The following CD1C variants were observed in gnomAD, a reference collection of about 807,000 sequenced individuals.
CD1C encodes T-cell surface glycoprotein CD1c.
In CD1C, 47 loss-of-function variants were observed where a neutral mutation model predicts 39.4. That is an observed-to-expected ratio of 1.19 (90% CI 0.94 to 1.52). CD1C has a LOEUF of 1.52. CD1C is among the 40% of genes most tolerant of loss of function. CD1C has a pLI of 0.00. For missense variants in CD1C, 417 were observed against 395.2 expected, an observed-to-expected ratio of 1.06 and a Z score of -0.47; for synonymous variants, 165 against 150.8, an observed-to-expected ratio of 1.09 and a Z score of -0.69.
intron 2 of CD1C, 51 bp downstream of exon 2, chr1:158,291,451 G>T: frequency 6.3e-7 from 1 of 1,577,360 alleles, no homozygotes; most frequent in African/African-American, 1.4e-5. Context: ...TTCTATTTCA[G>T]GGAAATATTC....
chr1:158,289,974 G>C lies in CD1C; in HGVS notation c.-91G>C. 1 of 1,151,718 alleles carries C rather than the reference G, an allele frequency of 8.7e-7. No individual in the cohort carries two copies. The highest frequency in any genetic ancestry group is 1.3e-6 in the Non-Finnish European group (1 of 777,584). 71.3% of individuals were successfully genotyped at this position (1,151,718 alleles called of 1,614,324 possible). A position where few individuals can be genotyped will look rare whatever the true frequency, so the allele number is the denominator to read the frequency against. On this transcript the variant is annotated 5_prime_UTR_variant, in exon 1 of 6. Transcript: ENST00000368170. ...TGATGGGGAAGATTGTTGGTAGAAG[G>C]AAGTCAGAATATAGGTACAGAGGGA...
In CD1C at chr1:158,293,071, G is replaced by A; in HGVS notation, c.890-141G>A. ...GGGGAAATGAGGAATCCTTCCTTGA[G>A]TAAGTTTTGGAATAGAGTGACTGAA... On this transcript the variant is annotated intron_variant, in intron 4 of 5. Transcript: ENST00000368170. 4.5e-6 allele frequency: 4 copies of A among 897,700 alleles called. No homozygotes were observed. In the South Asian group the frequency reaches 4.8e-5, roughly 11 times the overall value. 55.6% of individuals were successfully genotyped at this position (897,700 alleles called of 1,614,324 possible).
At chr1:158,290,171 A>C (rs762010034) in intron 1 of CD1C, 46 bp downstream of exon 1, 12 of 1,565,200 alleles carry the variant, frequency 7.7e-6, no homozygotes, top group Middle Eastern at 1.7e-4. Flanking sequence ...ATCTGGGTAG[A>C]GTGTGCTGGG....
intron 2 of CD1C, 30 bp from the exon 3 acceptor site, chr1:158,292,054 A>G: frequency 6.3e-7 from 1 of 1,579,054 alleles, no homozygotes; most frequent in Non-Finnish European, 8.6e-7. Flanking sequence ...TTTTGTTTGA[A>G]CTCTTTTTCT....
intron 1 of CD1C, 22 bp from the exon 2 acceptor site, chr1:158,291,112 C>T: frequency 1.3e-6 from 2 of 1,586,924 alleles, no homozygotes; most frequent in Non-Finnish European, 1.7e-6. Context: ...CCTTACACTA[C>T]TTGCCCTTCT....
rs566853666 is a variant in CD1C, at chr1:158,294,073, A to C, written c.*597A>C. Among the ~76,000 whole-genome samples the C allele has an allele frequency of 6.6e-6, 1 of 152,346 alleles. No homozygotes were observed. The highest frequency in any genetic ancestry group is 6.5e-5 in the Admixed American group (1 of 15,304). The stretch of plus-strand genomic sequence containing the variant: ...TCCTTAAACATTTAAGGAAAAGTGC[A>C]GCCTTGTGCCTTGATACACTTATTT... On this transcript the variant is annotated 3_prime_UTR_variant, in exon 6 of 6. Transcript: ENST00000368170.
Position 158,293,462 on chromosome 1 carries a change from C to A in CD1C, c.988C>A (p.Gln330Lys). 1 of 1,614,118 alleles carries A rather than the reference C, an allele frequency of 6.2e-7. No homozygotes were observed. The highest frequency in any genetic ancestry group is 1.7e-5 in the Admixed American group (1 of 60,014). ...VLWFKKHCSY[Q>K]DIL The stretch of plus-strand genomic sequence containing the variant: ...ATTCCTGTTCCTTCACAGCTCATAT[C>A]AGGACATCCTGTGAGACTCTTCCCC... Residue 330 changes from glutamine to lysine, a missense_variant, in exon 6 of 6, where the codon CAG (glutamine) becomes AAG (lysine). Physicochemically the swap from Gln to Lys is moderately conservative, Grantham distance 53. Coordinates refer to ENST00000368170, the MANE Select transcript of CD1C (RefSeq NM_001765.3).
chr1:158,292,266 GA>G lies in CD1C; in HGVS notation c.513del (p.Gly172AlafsTer10). On this transcript the variant is annotated frameshift_variant, in exon 3 of 6. Transcript: ENST00000368170. LOFTEE classifies it high-confidence loss of function. The stretch of plus-strand genomic sequence containing the variant: ...CTGTCATCTACTCAATCATCAGTAT[GA>G]AGGCGTCACAGAAACAGTGTATAAT... ...SVCHLLNHQY[E>X]GVTETVYNLI... 1 of 1,614,198 alleles carries G rather than the reference GA, an allele frequency of 6.2e-7. No individual in the cohort carries two copies. The highest frequency in any genetic ancestry group is 8.5e-7 in the Non-Finnish European group (1 of 1,180,030).
At position 158,294,710 on chromosome 1, in the gene CD1C, A is replaced by T. The variant is rs777677034; in HGVS notation, c.*1234A>T. Among the ~76,000 whole-genome samples, 2 of 152,206 alleles carry T rather than the reference A, an allele frequency of 1.3e-5. No homozygotes were observed. Among genetic ancestry groups the T allele is most frequent in the African/African-American group, 2.4e-5 (1 of 41,462 alleles). On this transcript the variant is annotated 3_prime_UTR_variant, in exon 6 of 6. Transcript: ENST00000368170. ...TGCAACTACTGATATACTTTATGTC[A>T]CTTAAGCTTAAACTTGTATTTTCTA...
rs1216613497 is a variant in CD1C at position 158,293,556 on chromosome 1, T to C, written c.*80T>C. ...AGTACAATATAGTGATGCCATCCCG[T>C]CGACTCTCCATTTAAATTGTTTCTC... On this transcript the variant is annotated 3_prime_UTR_variant, in exon 6 of 6. Coordinates refer to ENST00000368170, the MANE Select transcript of CD1C (RefSeq NM_001765.3). 5 of 1,614,000 alleles carry C rather than the reference T, an allele frequency of 3.1e-6. No homozygotes were observed. The highest frequency in any genetic ancestry group is 1.3e-5 in the African/African-American group (1 of 75,036).
At chr1:158,293,101 G>A (rs766254451) in intron 4 of CD1C, 111 bp from the exon 5 acceptor site, 26 of 962,598 alleles carry the variant, frequency 2.7e-5, no homozygotes, top group Non-Finnish European at 3.9e-5. Flanking sequence ...ACTGAAATAG[G>A]ATAACTGATG....
chr1:158,294,773 T>C lies in CD1C; in HGVS notation c.*1297T>C, dbSNP rs562971518. 7.2e-4 allele frequency among the ~76,000 whole-genome samples: 110 copies of C among 152,350 alleles called. No individual in the cohort carries two copies. The highest frequency in any genetic ancestry group is 3.1e-3 in the South Asian group (15 of 4,832). ...GATGGAAATAAACATATCTACTTGG[T>C]ATTGCCTTTTATTTTTCTTCAGTTT... On this transcript the variant is annotated 3_prime_UTR_variant, in exon 6 of 6. Coordinates refer to ENST00000368170, the MANE Select transcript of CD1C (RefSeq NM_001765.3).
At chr1:158,292,968 T>A (rs1260713723) in intron 4 of CD1C, 94 bp downstream of exon 4, 1 of 1,243,580 alleles carries the variant, frequency 8.0e-7, no homozygotes, top group East Asian at 2.4e-5. Context: ...AGGTGAGGGA[T>A]TGTAGGAAGA....
chr1:158,291,101 TC>T (rs775401232), intron 1 of CD1C, 32 bp from the exon 2 acceptor site: 121 of 1,572,762 alleles, frequency 7.7e-5, no homozygotes, highest in Non-Finnish European at 8.9e-5. Context: ...TTTTTTTTTT[TC>T]CTTACACTAC....
rs1192772795 is a variant in CD1C, at chr1:158,293,623, A to C, written c.*147A>C. The C allele has an allele frequency of 6.3e-7, 1 of 1,580,274 alleles. No individual in the cohort carries two copies. The stretch of plus-strand genomic sequence containing the variant: ...ATTTGTTAATAAAAACCAAATTCTA[A>C]TTTGGAATGTTTTTCTTGGAATCTC... On this transcript the variant is annotated 3_prime_UTR_variant, in exon 6 of 6. Coordinates refer to ENST00000368170, the MANE Select transcript of CD1C (RefSeq NM_001765.3).
At chr1:158,293,399 C>A (rs552046365) in intron 5 of CD1C, 56 bp from the exon 6 acceptor site, 2 of 1,602,284 alleles carry the variant, frequency 1.2e-6, no homozygotes, top group Admixed American at 3.4e-5. Flanking sequence ...TCCACCTTAT[C>A]CTCAGTTACC....
rs140255811 is a variant in CD1C, at chr1:158,292,588, C to G, written c.611-8C>G. 1.4e-4 allele frequency: 220 copies of G among 1,610,938 alleles called. 1 individual carries two copies. The African/African-American group carries it at 2.5e-3, about 18-fold the overall frequency. On this transcript the variant is annotated splice_region_variant and splice_polypyrimidine_tract_variant and intron_variant, in intron 3 of 5. Coordinates refer to ENST00000368170, the MANE Select transcript of CD1C (RefSeq NM_001765.3). ...TCTTCATCAGAACACTTTTTCTGCT[C>G]TCTGCAGTGAGGCCAGAAGCCTGGC...
In CD1C at chr1:158,290,882, G is replaced by A. The variant is rs73023947; in HGVS notation, c.62-252G>A. Among the ~76,000 whole-genome samples, 1,113 of 152,296 alleles carry A rather than the reference G, an allele frequency of 7.3e-3. 11 individuals carry two copies. The highest frequency in any genetic ancestry group is 0.025 in the African/African-American group (1,055 of 41,548). On this transcript the variant is annotated intron_variant, in intron 1 of 5. Transcript: ENST00000368170. ...GGTTACATGTATCTGGGTTGAGCAT[G>A]ATGGGCTTTCCCAAGATGGATCAAT...
chr1:158,290,933 G>A (rs1028052781), intron 1 of CD1C, among the ~76,000 whole-genome samples: 1 of 151,906 alleles, frequency 6.6e-6, no homozygotes, highest in African/African-American at 2.4e-5. Context: ...GTTGCCATTT[G>A]AGCATACCTC....
Sources: allele counts gnomAD v4.1 joint callset (sites outside exome capture counted in the v4.1 genomes callset), GRCh38; gene constraint gnomAD v4.1.1; transcripts MANE v1.5; gene names NCBI Gene and HGNC (gene_info 2026-07-23, HGNC 2026-07-21).